Variants in CDH13 observed in about 807,000 individuals in gnomAD.
CDH13 encodes cadherin-13.
CDH13 carries 24 observed loss-of-function variants against 63.8 expected under a neutral mutation model. The ratio of observed to expected loss-of-function variants is 0.38; its 90% confidence interval spans 0.27 to 0.53. The LOEUF is 0.53. Ranked by LOEUF, CDH13 falls within the 20% of genes least tolerant of loss-of-function variation. CDH13 has a pLI of 0.85. For synonymous variants in CDH13, 503 were observed against 355.3 expected, an observed-to-expected ratio of 1.42 and a Z score of -4.67; for missense variants, 1,049 against 903.1, an observed-to-expected ratio of 1.16 and a Z score of -2.07.
intron 1 of CDH13, among the ~76,000 whole-genome samples, chr16:82,694,797 G>C (rs2030058009): frequency 6.6e-6 from 1 of 152,178 alleles, no homozygotes; most frequent in African/African-American, 2.4e-5. Context: ...ATATAAGAGG[G>C]AGGGAGGAGG....
At chr16:83,428,499 C>T (rs966230513) in intron 6 of CDH13, among the ~76,000 whole-genome samples, 2 of 151,926 alleles carry the variant, frequency 1.3e-5, no homozygotes, top group Admixed American at 6.6e-5. Context: ...AAAAGTGCTT[C>T]GTGGCATGGA....
chr16:83,344,722 C>T (rs760774898), intron 5 of CDH13, 140 bp from the exon 6 acceptor site: 7 of 766,602 alleles, frequency 9.1e-6, no homozygotes, highest in African/African-American at 3.5e-5. Context: ...GTCCCAGTGA[C>T]TATCCTCTGA....
At chr16:83,251,919 A>T (rs1905584719) in intron 5 of CDH13, among the ~76,000 whole-genome samples, 1 of 151,968 alleles carries the variant, frequency 6.6e-6, no homozygotes, top group Non-Finnish European at 1.5e-5. Flanking sequence ...TTAAAAGTTT[A>T]ATCTATAGCC....
At chr16:83,510,001 G>T (rs529707928) in intron 7 of CDH13, among the ~76,000 whole-genome samples, 14 of 152,270 alleles carry the variant, frequency 9.2e-5, no homozygotes, top group African/African-American at 3.4e-4. Flanking sequence ...TCTATCATTA[G>T]CCCTGCTTTA....
chr16:83,034,602 A>G (rs912465903), intron 3 of CDH13, among the ~76,000 whole-genome samples: 13 of 152,344 alleles, frequency 8.5e-5, no homozygotes, highest in African/African-American at 2.6e-4. Flanking sequence ...AAACATGGAA[A>G]TGGTATGGTG....
At chr16:82,747,627 G>A (rs1299611584) in intron 1 of CDH13, among the ~76,000 whole-genome samples, 1 of 152,164 alleles carries the variant, frequency 6.6e-6, no homozygotes, top group Non-Finnish European at 1.5e-5. Context: ...AATTCTGATG[G>A]CTAGAGTTTG....
At chr16:82,890,284 T>A (rs7202226) in intron 2 of CDH13, among the ~76,000 whole-genome samples, 31,212 of 152,174 alleles carry the variant, frequency 0.21, 4,409 homozygotes, top group East Asian at 0.7. Flanking sequence ...CATCTAGAGT[T>A]TCAGTTATCT....
chr16:83,113,294 G>A lies in CDH13; in HGVS notation c.367-12091G>A, dbSNP rs562350603. On this transcript the variant is annotated intron_variant, in intron 3 of 13. Coordinates refer to ENST00000567109, the MANE Select transcript of CDH13 (RefSeq NM_001257.5). ...TCTCTATTAAAGACAAAATCAAAGC[G>A]AAATCACCAACATCTTACTCATTTA... 1.6e-3 allele frequency among the ~76,000 whole-genome samples: 238 copies of A among 152,320 alleles called. 4 individuals are homozygous for A. Among genetic ancestry groups the A allele is most frequent in the Non-Finnish European group, 8.7e-4 (59 of 68,036 alleles).
At chr16:82,860,627 A>C (rs137888407) in intron 2 of CDH13, among the ~76,000 whole-genome samples, 4 of 129,062 alleles carry the variant, frequency 3.1e-5, no homozygotes, top group African/African-American at 1.2e-4. Context: ...CCGTATGTCC[A>C]TGTATATTAC....
chr16:83,599,663 T>A (rs1421703512), intron 7 of CDH13, among the ~76,000 whole-genome samples: 3 of 152,174 alleles, frequency 2.0e-5, no homozygotes, highest in Non-Finnish European at 2.9e-5. Flanking sequence ...AATATACATA[T>A]GATTATATTG....
chr16:82,646,937 G>A (rs1449077041), intron 1 of CDH13, among the ~76,000 whole-genome samples: 2 of 152,208 alleles, frequency 1.3e-5, no homozygotes, highest in African/African-American at 2.4e-5. Context: ...TGAAGGCAAC[G>A]TGAGATTGGA....
At chr16:82,880,652 C>A (rs149074199) in intron 2 of CDH13, among the ~76,000 whole-genome samples, 24 of 152,282 alleles carry the variant, frequency 1.6e-4, no homozygotes, top group Non-Finnish European at 2.8e-4. Flanking sequence ...GATTAGCAAG[C>A]CTGCTATGCT....
At chr16:83,750,925 A>G (rs142951719) in intron 11 of CDH13, among the ~76,000 whole-genome samples, 88 of 152,154 alleles carry the variant, frequency 5.8e-4, no homozygotes, top group African/African-American at 2.1e-3. Flanking sequence ...CATTACCTAT[A>G]AAGCATTTGG....
intron 6 of CDH13, among the ~76,000 whole-genome samples, chr16:83,481,643 C>T (rs1030706230): frequency 4.6e-5 from 7 of 152,172 alleles, no homozygotes; most frequent in African/African-American, 1.2e-4. Context: ...AAGAAAATGA[C>T]GGCCCAACTT....
intron 6 of CDH13, among the ~76,000 whole-genome samples, chr16:83,382,392 A>G (rs1266074272): frequency 3.3e-5 from 5 of 152,194 alleles, no homozygotes; most frequent in Non-Finnish European, 5.9e-5. Flanking sequence ...TTTTAAATGT[A>G]CAGAAAAGTT....
At chr16:83,044,453 T>C (rs1597211514) in intron 3 of CDH13, among the ~76,000 whole-genome samples, 1 of 152,318 alleles carries the variant, frequency 6.6e-6, no homozygotes. Context: ...TGTATTGTCA[T>C]GACACATTTT....
chr16:83,519,930 G>A (rs560375132), intron 7 of CDH13, among the ~76,000 whole-genome samples: 11 of 152,106 alleles, frequency 7.2e-5, no homozygotes, highest in African/African-American at 2.7e-4. Context: ...TTGCTATGTT[G>A]AGTTTGAAAA....
At chr16:83,134,558 A>G (rs2036195953) in intron 4 of CDH13, among the ~76,000 whole-genome samples, 1 of 66,684 alleles carries the variant, frequency 1.5e-5, no homozygotes, top group South Asian at 4.7e-4. Context: ...AGAGAGAGAG[A>G]GAGAGAGAGA....
rs117620013 is a variant in CDH13, at chr16:83,470,526, T to C, written c.782-15951T>C. Among the ~76,000 whole-genome samples, 1,134 of 152,350 alleles carry C rather than the reference T, an allele frequency of 7.4e-3. 11 individuals carry two copies. The highest frequency in any genetic ancestry group is 0.012 in the Non-Finnish European group (783 of 68,030). ...ATTTTAGCCTAGATTCCTCTTATAA[T>C]AGAGCATAACATTCCAGCAGTGCTC... is the stretch of plus-strand genomic sequence containing the variant. On this transcript the variant is annotated intron_variant, in intron 6 of 13. Coordinates refer to ENST00000567109, the MANE Select transcript of CDH13 (RefSeq NM_001257.5).
Sources: gnomAD v4.1 joint callset for allele counts (sites outside exome capture counted in the v4.1 genomes callset) on GRCh38, gnomAD v4.1.1 for gene constraint, MANE v1.5 for transcripts, NCBI Gene and HGNC (gene_info 2026-07-23, HGNC 2026-07-21) for gene names.